The following WDR41 variants were observed in gnomAD, a reference collection of about 807,000 sequenced individuals.
WDR41 encodes the protein WD repeat-containing protein 41.
A neutral mutation model predicts 69.3 loss-of-function variants in WDR41; 63 were observed. That is an observed-to-expected ratio of 0.91 (90% CI 0.74 to 1.12). The LOEUF (loss-of-function observed/expected upper bound fraction) is 1.12. Among genes scored for constraint, WDR41 ranks in the 50% most tolerant of loss-of-function variants. WDR41 has a pLI of 0.00. For synonymous variants in WDR41, 185 were observed against 192.1 expected, an observed-to-expected ratio of 0.96 and a Z score of 0.31; for missense variants, 543 against 534.5, an observed-to-expected ratio of 1.02 and a Z score of -0.16.
At chr5:77,453,169 A>T (rs1799691409) in intron 6 of WDR41, among the ~76,000 whole-genome samples, 1 of 152,218 alleles carries the variant, frequency 6.6e-6, no homozygotes, top group Admixed American at 6.5e-5. Flanking sequence ...GCTACCACTG[A>T]AATATCAACA....
chr5:77,562,803 G>A (rs994038736), intron 1 of WDR41, among the ~76,000 whole-genome samples: 7 of 152,122 alleles, frequency 4.6e-5, no homozygotes, highest in Non-Finnish European at 1.0e-4. Flanking sequence ...CATACCAAGA[G>A]GCTAGTAAAC....
chr5:77,559,230 A>G (rs1376227179), intron 1 of WDR41, among the ~76,000 whole-genome samples: 2 of 152,222 alleles, frequency 1.3e-5, no homozygotes, highest in Admixed American at 1.3e-4. Context: ...CAAGCTACCA[A>G]TTTGATATCA....
At chr5:77,461,559 C>T (rs781737015) in intron 4 of WDR41, among the ~76,000 whole-genome samples, 19 of 152,166 alleles carry the variant, frequency 1.2e-4, no homozygotes, top group South Asian at 6.2e-4. Context: ...TTAATATGAC[C>T]GGAAACAGTG....
chr5:77,566,189 T>C (rs1286908401), intron 1 of WDR41, among the ~76,000 whole-genome samples: 1 of 152,164 alleles, frequency 6.6e-6, no homozygotes, highest in Non-Finnish European at 1.5e-5. Flanking sequence ...AAGCTTATTG[T>C]CTTAGCTAAC....
intron 1 of WDR41, among the ~76,000 whole-genome samples, chr5:77,531,346 G>C (rs911233456): frequency 6.6e-6 from 1 of 151,814 alleles, no homozygotes; most frequent in Admixed American, 6.6e-5. Context: ...ATGGGCAAAG[G>C]ACTTGAATAA....
chr5:77,590,662 GAGC>G (rs1744119872), intron 1 of WDR41, among the ~76,000 whole-genome samples: 1 of 152,200 alleles, frequency 6.6e-6, no homozygotes, highest in South Asian at 2.1e-4. Flanking sequence ...GCAAGGGGAA[GAGC>G]AGCTAGCAGG....
intron 1 of WDR41, among the ~76,000 whole-genome samples, chr5:77,517,191 G>T (rs969923141): frequency 2.6e-5 from 4 of 152,182 alleles, no homozygotes; most frequent in African/African-American, 9.6e-5. Flanking sequence ...GAAATGCTCA[G>T]ATAAAAATTT....
intron 1 of WDR41, among the ~76,000 whole-genome samples, chr5:77,609,766 G>A (rs1456958127): frequency 6.6e-6 from 1 of 152,206 alleles, no homozygotes; most frequent in Non-Finnish European, 1.5e-5. Flanking sequence ...TCCTCCAAAG[G>A]AACACAGTTC....
At chr5:77,516,108 G>T (rs1336032255) in intron 1 of WDR41, among the ~76,000 whole-genome samples, 4 of 152,132 alleles carry the variant, frequency 2.6e-5, no homozygotes, top group African/African-American at 9.7e-5. Context: ...AAGTTATGTT[G>T]TGACAAGCAG....
chr5:77,566,258 T>G (rs1232136464), intron 1 of WDR41, among the ~76,000 whole-genome samples: 2 of 152,150 alleles, frequency 1.3e-5, no homozygotes, highest in Non-Finnish European at 2.9e-5. Context: ...ATCTAACTCA[T>G]CTGCCTAGAA....
At chr5:77,454,387 C>G (rs562211296) in intron 5 of WDR41, among the ~76,000 whole-genome samples, 7 of 152,192 alleles carry the variant, frequency 4.6e-5, no homozygotes, top group Non-Finnish European at 1.0e-4. Context: ...ATAAGATGCT[C>G]TCTAGTCCTA....
chr5:77,491,866 G>A, intron 1 of WDR41: 2 of 407,946 alleles, frequency 4.9e-6, no homozygotes, highest in Non-Finnish European at 4.4e-6. Flanking sequence ...AGTTGTCACA[G>A]GTCCCAATAG....
At chr5:77,535,586 T>TA (rs1438975026) in intron 1 of WDR41, among the ~76,000 whole-genome samples, 1 of 152,232 alleles carries the variant, frequency 6.6e-6, no homozygotes, top group Non-Finnish European at 1.5e-5. Flanking sequence ...TCATAGTGGT[T>TA]ACCTGAATCA....
chr5:77,439,848 G>A (rs981389922), intron 9 of WDR41, among the ~76,000 whole-genome samples: 2 of 152,092 alleles, frequency 1.3e-5, no homozygotes, highest in Admixed American at 1.3e-4. Flanking sequence ...ATTTAAAATA[G>A]ATAATTTGTA....
intron 1 of WDR41, among the ~76,000 whole-genome samples, chr5:77,509,862 G>T (rs1802171836): frequency 6.6e-6 from 1 of 152,130 alleles, no homozygotes; most frequent in Non-Finnish European, 1.5e-5. Context: ...TCTCAACAAT[G>T]CTGATTTTAA....
chr5:77,546,945 C>A (rs1743210505), intron 1 of WDR41, among the ~76,000 whole-genome samples: 1 of 151,996 alleles, frequency 6.6e-6, no homozygotes, highest in South Asian at 2.1e-4. Flanking sequence ...GGTTTCATAC[C>A]AATGATGCAG....
intron 2 of WDR41, among the ~76,000 whole-genome samples, chr5:77,482,724 A>G (rs1801330801): frequency 6.6e-6 from 1 of 152,120 alleles, no homozygotes; most frequent in Non-Finnish European, 1.5e-5. Flanking sequence ...GGCCATCTAA[A>G]TTCATTATTT....
chr5:77,454,072 C>G (rs897953313), intron 5 of WDR41, 144 bp from the exon 6 acceptor site: 1 of 641,158 alleles, frequency 1.6e-6, no homozygotes. Context: ...GTGGGCACTA[C>G]TAAGTGACTA....
chr5:77,620,311 T>C (rs1168803053), intron 1 of WDR41, among the ~76,000 whole-genome samples: 4 of 152,206 alleles, frequency 2.6e-5, no homozygotes, highest in African/African-American at 9.7e-5. Context: ...TTAAAGAGTT[T>C]AAAATAGAAA....
Sources: allele counts gnomAD v4.1 joint callset (sites outside exome capture counted in the v4.1 genomes callset), GRCh38; gene constraint gnomAD v4.1.1; transcripts MANE v1.5; gene names NCBI Gene and HGNC (gene_info 2026-07-23, HGNC 2026-07-21).